The following RIC8B variants were observed in gnomAD, a reference collection of about 807,000 sequenced individuals.
RIC8B encodes the protein chaperone Ric-8B.
A neutral mutation model predicts 57.5 loss-of-function variants in RIC8B; 16 were observed. The observed-to-expected ratio is 0.28, with a 90% CI of 0.19 to 0.42. RIC8B has a LOEUF of 0.42. Ranked by LOEUF, RIC8B falls within the 10% of genes least tolerant of loss-of-function variation. The pLI is 1.00. For synonymous variants in RIC8B, 216 were observed against 250.8 expected, an observed-to-expected ratio of 0.86 and a Z score of 1.31; for missense variants, 481 against 677.0, an observed-to-expected ratio of 0.71 and a Z score of 3.21.
chr12:106,877,065 G>A (rs563061619), intron 9 of RIC8B, among the ~76,000 whole-genome samples: 1 of 152,046 alleles, frequency 6.6e-6, no homozygotes, highest in Non-Finnish European at 1.5e-5. Context: ...TGTTTACTGT[G>A]GGTAAATTAG....
At position 106,783,859 on chromosome 12, in the gene RIC8B, C is replaced by T. The variant is rs988763915; in HGVS notation, c.85-138C>T. On this transcript the variant is annotated intron_variant, in intron 1 of 9. Transcript: ENST00000392837. Reference sequence around the variant, plus strand: ...AACTATTTGTTTACATGCCTGTCTCCCTTACTTTAATAAGAATATTGAGAT... The same window carrying T: ...AACTATTTGTTTACATGCCTGTCTCTCTTACTTTAATAAGAATATTGAGAT... 5 of 679,490 alleles carry T rather than the reference C, an allele frequency of 7.4e-6. No individual in the cohort carries two copies. The African/African-American group carries it at 9.0e-5, about 12-fold the overall frequency. The allele number at this position is 679,490 out of a possible 1,614,324, so 42.1% of individuals were successfully genotyped here.
intron 7 of RIC8B, among the ~76,000 whole-genome samples, chr12:106,855,829 C>T (rs575822956): frequency 5.3e-5 from 8 of 152,224 alleles, no homozygotes; most frequent in African/African-American, 1.9e-4. Flanking sequence ...ATCTTTAGCC[C>T]CAACCTTTCT....
chr12:106,839,005 TC>T (rs1211982407), intron 4 of RIC8B, among the ~76,000 whole-genome samples: 3 of 145,446 alleles, frequency 2.1e-5, no homozygotes, highest in African/African-American at 7.6e-5. Flanking sequence ...AAAAAAAACC[TC>T]AAAAAACAAA....
At chr12:106,866,336 C>T (rs936999872) in intron 8 of RIC8B, among the ~76,000 whole-genome samples, 5 of 152,088 alleles carry the variant, frequency 3.3e-5, no homozygotes, top group South Asian at 2.1e-4. Flanking sequence ...TCCCTTTCCT[C>T]GTCAAGCTTC....
intron 6 of RIC8B, among the ~76,000 whole-genome samples, chr12:106,848,459 A>G (rs769729371): frequency 1.3e-5 from 2 of 152,182 alleles, no homozygotes; most frequent in African/African-American, 2.4e-5. Flanking sequence ...CCTAGCCACT[A>G]TGTAGAAAAT....
chr12:106,816,847 T>A (rs1447627375), intron 3 of RIC8B, among the ~76,000 whole-genome samples: 1 of 152,188 alleles, frequency 6.6e-6, no homozygotes, highest in East Asian at 1.9e-4. Context: ...CTTTAGAAAA[T>A]GTTGAAGTAG....
chr12:106,833,296 C>G (rs2046439371), intron 4 of RIC8B, among the ~76,000 whole-genome samples: 1 of 151,988 alleles, frequency 6.6e-6, no homozygotes, highest in Admixed American at 6.6e-5. Flanking sequence ...TAAAATTAAC[C>G]TGCCACAAAC....
intron 7 of RIC8B, among the ~76,000 whole-genome samples, chr12:106,858,508 G>A (rs900798474): frequency 2.0e-5 from 3 of 151,900 alleles, no homozygotes; most frequent in African/African-American, 4.8e-5. Flanking sequence ...TCTTCTGCTC[G>A]TACTTTTTAA....
At chr12:106,802,150 A>G (rs1193684226) in intron 2 of RIC8B, among the ~76,000 whole-genome samples, 2 of 152,192 alleles carry the variant, frequency 1.3e-5, no homozygotes, top group Non-Finnish European at 2.9e-5. Flanking sequence ...TTTTATCTTA[A>G]CATTCATGTA....
chr12:106,825,857 A>G lies in RIC8B; in HGVS notation c.836+37A>G, dbSNP rs1014859582. 5.8e-6 allele frequency: 8 copies of G among 1,383,076 alleles called. No individual in the cohort carries two copies. In the African/African-American group the frequency reaches 8.5e-5, roughly 15 times the overall value. The allele number at this position is 1,383,076 out of a possible 1,614,324, so 85.7% of individuals were successfully genotyped here. A position where few individuals can be genotyped will look rare whatever the true frequency, so the allele number is the denominator to read the frequency against. ...CTGTATTGATATCCCAATGAAGGAC[A>G]TCATCAGTTGTTCTTGGTTTTATGC... On this transcript the variant is annotated intron_variant, in intron 4 of 9. Coordinates refer to ENST00000392837, the MANE Select transcript of RIC8B (RefSeq NM_001330145.2).
chr12:106,861,703 C>G lies in RIC8B; in HGVS notation c.1451+1291C>G, dbSNP rs565730532. Among the ~76,000 whole-genome samples the G allele has an allele frequency of 1.7e-3, 261 of 152,156 alleles. 1 individual carries two copies. The highest frequency in any genetic ancestry group is 0.01 in the Middle Eastern group (3 of 294). ...AAGTCATCATTCTAAATTAGTCTTACTAGCTTTTTTCATTCTATAAACTAT... is the reference window on the plus strand; with the variant it reads ...AAGTCATCATTCTAAATTAGTCTTAGTAGCTTTTTTCATTCTATAAACTAT... On this transcript the variant is annotated intron_variant, in intron 8 of 9. Transcript: ENST00000392837.
intron 9 of RIC8B, among the ~76,000 whole-genome samples, chr12:106,885,053 G>A (rs541481282): frequency 5.9e-5 from 9 of 152,286 alleles, no homozygotes; most frequent in Non-Finnish European, 1.0e-4. Flanking sequence ...GAGGACTGGA[G>A]TTAGCAACTC....
rs1383776293 is a variant in RIC8B at position 106,826,316 on chromosome 12, AC to A, written c.836+499del. ...AACAAGTGAAAGAGCTGGGATTTAAACCCTGCTTTTAATTACTACACTTAAC... is the reference window on the plus strand; with the variant it reads ...AACAAGTGAAAGAGCTGGGATTTAAACCTGCTTTTAATTACTACACTTAAC... On this transcript the variant is annotated intron_variant, in intron 4 of 9. Coordinates refer to ENST00000392837, the MANE Select transcript of RIC8B (RefSeq NM_001330145.2). Among the ~76,000 whole-genome samples, 5 of 152,300 alleles carry A rather than the reference AC, an allele frequency of 3.3e-5. No homozygotes were observed. The East Asian group carries it at 9.6e-4, about 29-fold the overall frequency.
chr12:106,842,073 G>A (rs781358893), intron 4 of RIC8B, among the ~76,000 whole-genome samples: 2 of 152,142 alleles, frequency 1.3e-5, no homozygotes, highest in African/African-American at 2.4e-5. Context: ...AAATTGGGAT[G>A]ATTTTTAAAT....
intron 2 of RIC8B, among the ~76,000 whole-genome samples, chr12:106,797,479 G>A (rs2044535428): frequency 6.6e-6 from 1 of 152,148 alleles, no homozygotes; most frequent in Non-Finnish European, 1.5e-5. Context: ...ATTCATAGTT[G>A]CCAGGGGCTG....
intron 8 of RIC8B, among the ~76,000 whole-genome samples, chr12:106,868,947 G>A (rs1419022550): frequency 6.8e-6 from 1 of 146,214 alleles, no homozygotes; most frequent in Admixed American, 7.1e-5. Flanking sequence ...GCCAAGGCTA[G>A]AAATAAATGA....
intron 6 of RIC8B, 91 bp downstream of exon 6, chr12:106,844,038 GT>G (rs1318535664): frequency 2.2e-6 from 2 of 924,480 alleles, no homozygotes; most frequent in African/African-American, 3.3e-5. Context: ...CAATGATTTT[GT>G]TTCAGATAAT....
intron 9 of RIC8B, among the ~76,000 whole-genome samples, chr12:106,882,548 G>A (rs907140204): frequency 4.6e-5 from 7 of 151,834 alleles, no homozygotes; most frequent in East Asian, 1.9e-4. Flanking sequence ...AGATTATCAC[G>A]ACCCCCATTT....
chr12:106,851,416 C>T (rs377722143), intron 6 of RIC8B, 34 bp from the exon 7 acceptor site: 48 of 1,597,050 alleles, frequency 3.0e-5, no homozygotes, highest in South Asian at 7.7e-5. Context: ...CTAGTAGCCT[C>T]GATTGATGAT....
Sources: gnomAD v4.1 joint callset for allele counts (sites outside exome capture counted in the v4.1 genomes callset) on GRCh38, gnomAD v4.1.1 for gene constraint, MANE v1.5 for transcripts, NCBI Gene and HGNC (gene_info 2026-07-23, HGNC 2026-07-21) for gene names.